SHANK2: variants seen among roughly 807,000 people sequenced by gnomAD.
The protein encoded by SHANK2 is SH3 and multiple ankyrin repeat domains protein 2.
In SHANK2, 43 loss-of-function variants were observed where a neutral mutation model predicts 133.7. The ratio of observed to expected loss-of-function variants is 0.32; its 90% CI spans 0.25 to 0.41. The LOEUF (loss-of-function observed/expected upper bound fraction) is 0.41, where lower values mean the gene tolerates loss of function less well. SHANK2 is among the 10% of genes least tolerant of loss of function. The probability of loss-of-function intolerance (pLI) is 1.00; values close to 1 mark genes in which losing one functional copy is unlikely to be tolerated. For missense variants in SHANK2, 1,994 were observed against 2,235.8 expected, an observed-to-expected ratio of 0.89 and a Z score of 2.18; for synonymous variants, 1,017 against 952.8, an observed-to-expected ratio of 1.07 and a Z score of -1.24.
At chr11:70,648,107 T>C (rs566672078) in intron 17 of SHANK2, among the ~76,000 whole-genome samples, 1 of 152,326 alleles carries the variant, frequency 6.6e-6, no homozygotes, top group South Asian at 2.1e-4. Flanking sequence ...CATGCTACCA[T>C]ACGGATGAAC....
At chr11:70,720,445 A>T (rs1468410439) in intron 14 of SHANK2, among the ~76,000 whole-genome samples, 4 of 151,686 alleles carry the variant, frequency 2.6e-5, no homozygotes, top group Non-Finnish European at 4.4e-5. Context: ...TGGCCCTGTG[A>T]CTCCTTCGTT....
chr11:70,508,302 C>T (rs1257167074), intron 17 of SHANK2, among the ~76,000 whole-genome samples: 9 of 152,196 alleles, frequency 5.9e-5, no homozygotes, highest in Admixed American at 3.9e-4. Flanking sequence ...TGACCTTTCC[C>T]GACAGAATGC....
intron 2 of SHANK2, among the ~76,000 whole-genome samples, chr11:71,195,046 C>T (rs981219423): frequency 3.3e-5 from 5 of 152,182 alleles, no homozygotes; most frequent in Admixed American, 2.0e-4. Context: ...ATGTAAAATC[C>T]AGAAATAGAG....
At chr11:70,914,778 C>T (rs1950246905) in intron 10 of SHANK2, among the ~76,000 whole-genome samples, 1 of 150,812 alleles carries the variant, frequency 6.6e-6, no homozygotes, top group South Asian at 2.1e-4. Context: ...GTAACCCCAG[C>T]TATTCAGGAG....
chr11:71,201,469 GT>G (rs2135633088), intron 2 of SHANK2, among the ~76,000 whole-genome samples: 1 of 152,362 alleles, frequency 6.6e-6, no homozygotes, highest in South Asian at 2.1e-4. Context: ...TGCCATGATG[GT>G]CGGAGCTGCT....
intron 14 of SHANK2, among the ~76,000 whole-genome samples, chr11:70,710,391 G>T (rs1945757687): frequency 6.6e-6 from 1 of 152,218 alleles, no homozygotes; most frequent in African/African-American, 2.4e-5. Context: ...ATGGAATGGG[G>T]TAGGAGGGAA....
intron 17 of SHANK2, among the ~76,000 whole-genome samples, chr11:70,638,777 C>T (rs552127448): frequency 2.0e-5 from 3 of 152,110 alleles, no homozygotes; most frequent in African/African-American, 4.8e-5. Flanking sequence ...AAGGCCGAGG[C>T]GGGTGGATCA....
At position 71,175,726 on chromosome 11, in the gene SHANK2, T is replaced by TTTTCAAAG. The variant is rs1953428148; in HGVS notation, c.-12-28396_-12-28389dup. ...TATGTAAAAAGAAAAATAACATATA[T>TTTTCAAAG]TTTCAAAGTATAGGACAGGATGCAC... is the stretch of plus-strand genomic sequence containing the variant. On this transcript the variant is annotated intron_variant, in intron 2 of 25. Coordinates refer to ENST00000601538, the MANE Select transcript of SHANK2 (RefSeq NM_012309.5). The surrounding 1 kb of genome is among the most constrained non-coding windows in gnomAD (Gnocchi z 4.2). 6.6e-6 allele frequency among the ~76,000 whole-genome samples: 1 copy of TTTTCAAAG among 152,180 alleles called. No individual in the cohort carries two copies. The highest frequency in any genetic ancestry group is 1.5e-5 in the Non-Finnish European group (1 of 68,034).
chr11:71,138,506 C>G (rs1952491271), intron 3 of SHANK2, among the ~76,000 whole-genome samples: 1 of 152,104 alleles, frequency 6.6e-6, no homozygotes, highest in Non-Finnish European at 1.5e-5. Flanking sequence ...AGCAGACGGG[C>G]CAAGGCCACT....
chr11:71,092,151 G>A (rs1412584766), intron 8 of SHANK2, among the ~76,000 whole-genome samples: 8 of 152,244 alleles, frequency 5.3e-5, no homozygotes, highest in African/African-American at 1.7e-4. Flanking sequence ...CACTCCTGCT[G>A]TGCAGAAACT....
chr11:70,952,780 A>AACTCGCC (rs57248851), intron 10 of SHANK2: 440,711 of 451,012 alleles, frequency 0.98, 216,137 homozygotes, highest in East Asian at 1. Context: ...GAAGTGTGGG[A>AACTCGCC]ACTGACACCC....
chr11:71,146,368 G>T (rs1952644343), intron 3 of SHANK2, among the ~76,000 whole-genome samples: 1 of 151,946 alleles, frequency 6.6e-6, no homozygotes, highest in African/African-American at 2.4e-5. Context: ...CCCTTCCTCT[G>T]CACACGAAGC....
intron 21 of SHANK2, among the ~76,000 whole-genome samples, chr11:70,494,789 C>T (rs2047156001): frequency 6.6e-6 from 1 of 152,150 alleles, no homozygotes; most frequent in African/African-American, 2.4e-5. Context: ...GCCCTTGCCC[C>T]ATAGTGTCCG....
chr11:70,557,836 G>A (rs994495290), intron 17 of SHANK2, among the ~76,000 whole-genome samples: 30 of 152,362 alleles, frequency 2.0e-4, no homozygotes, highest in African/African-American at 7.2e-4. Context: ...CAGTGCATCT[G>A]AGCCCACCTG....
intron 2 of SHANK2, among the ~76,000 whole-genome samples, chr11:71,206,269 C>T (rs377302334): frequency 1.4e-4 from 21 of 152,202 alleles, no homozygotes; most frequent in African/African-American, 3.9e-4. Context: ...AACGCCTGCA[C>T]GTGATCAACA....
At chr11:71,252,743 C>T (rs1338388220), upstream of SHANK2, among the ~76,000 whole-genome samples, 1 of 151,552 alleles carries the variant, frequency 6.6e-6, no homozygotes, top group Non-Finnish European at 1.5e-5. The surrounding 1 kb of genome is among the most constrained non-coding windows in gnomAD (Gnocchi z 6.3). Flanking sequence ...CCCGCTCCCG[C>T]CCGCGGCTGC....
At chr11:71,217,422 T>C (rs1259568986) in intron 2 of SHANK2, among the ~76,000 whole-genome samples, 1 of 151,776 alleles carries the variant, frequency 6.6e-6, no homozygotes, top group African/African-American at 2.4e-5. Flanking sequence ...GAGAATCACA[T>C]GATCCCTGGA....
chr11:70,767,711 G>A (rs1947152910), intron 14 of SHANK2, among the ~76,000 whole-genome samples: 1 of 151,094 alleles, frequency 6.6e-6, no homozygotes, highest in Non-Finnish European at 1.5e-5. Context: ...GGCATGAGGA[G>A]TGACTGCTAA....
At chr11:70,869,289 A>T (rs1555069708) in intron 11 of SHANK2, among the ~76,000 whole-genome samples, 1 of 152,184 alleles carries the variant, frequency 6.6e-6, no homozygotes, top group African/African-American at 2.4e-5. Flanking sequence ...GAGCAAACTC[A>T]TACACCATAG....
Sources: allele counts gnomAD v4.1 joint callset (sites outside exome capture counted in the v4.1 genomes callset), GRCh38; gene constraint gnomAD v4.1.1; non-coding constraint Gnocchi (gnomAD v3.1); transcripts MANE v1.5; gene names NCBI Gene and HGNC (gene_info 2026-07-23, HGNC 2026-07-21).